The following C3orf70 variants were observed in gnomAD, a reference collection of about 807,000 sequenced individuals.
C3orf70 encodes the protein UPF0524 protein C3orf70.
C3orf70 carries 15 observed loss-of-function variants against 20.7 expected under a neutral mutation model. That is an observed-to-expected ratio of 0.72 (90% CI 0.48 to 1.11). The LOEUF (loss-of-function observed/expected upper bound fraction) is 1.11, where lower values mean the gene tolerates loss of function less well. C3orf70 is among the 50% of genes most tolerant of loss of function. The probability of loss-of-function intolerance (pLI) is 0.00; values close to 1 mark genes in which losing one functional copy is unlikely to be tolerated. For missense variants in C3orf70, 332 were observed against 317.6 expected (o/e 1.05, Z -0.34); for synonymous variants, 161 against 125.7 (o/e 1.28, Z -1.88).
intron 1 of C3orf70, among the ~76,000 whole-genome samples, chr3:185,110,241 C>T (rs539830916): frequency 2.6e-5 from 4 of 152,320 alleles, no homozygotes; most frequent in African/African-American, 9.6e-5. Flanking sequence ...ACAAACTTGT[C>T]TTTGGCTATT....
chr3:185,124,221 G>T (rs36084212), intron 1 of C3orf70, among the ~76,000 whole-genome samples: 1 of 151,990 alleles, frequency 6.6e-6, no homozygotes, highest in East Asian at 1.9e-4. Context: ...TGGTATCCAC[G>T]GGGGGATCCT....
In C3orf70 at chr3:185,083,043, G is replaced by T. The variant is rs756981203; in HGVS notation, c.717C>A (p.Asp239Glu). Residue 239 changes from aspartate (D) to glutamate (E), a missense_variant, in exon 2 of 2, where the codon GAC becomes GAA. By Grantham distance (45) the Asp-to-Glu change is conservative. Transcript: ENST00000335012. ...TTTCTATCGTTTCAATCACTTCCAG[G>T]TCAGACTGCGAGGGGGAGAGAAGGG... ...ECTLLSPSQS[D>E]LEVIETIETT... 5 of 1,613,964 alleles carry T rather than the reference G, an allele frequency of 3.1e-6. No homozygotes were observed. In the East Asian group the frequency reaches 8.9e-5, roughly 29 times the overall value.
intron 1 of C3orf70, among the ~76,000 whole-genome samples, chr3:185,093,002 AAAAAG>A (rs1052218778): frequency 1.5e-4 from 23 of 152,256 alleles, no homozygotes; most frequent in South Asian, 4.1e-4. Flanking sequence ...AAAAAAAAAA[AAAAAG>A]AAAGGGACAA....
chr3:185,096,130 G>T (rs1219576963), intron 1 of C3orf70, among the ~76,000 whole-genome samples: 1 of 139,592 alleles, frequency 7.2e-6, no homozygotes, highest in Non-Finnish European at 1.6e-5. Flanking sequence ...TGTAATCAAA[G>T]AAAATATACT....
Position 185,076,995 on chromosome 3 carries a change from ATC to A in C3orf70, c.*6010_*6011del, listed in dbSNP as rs1715206082. On this transcript the variant is annotated 3_prime_UTR_variant, in exon 2 of 2. Transcript: ENST00000335012. ...CAGATGAGATGCGCTGTCTGCAGGA[ATC>A]ACTTTAAAAGATCAGTTAGCTTTAG... 6.6e-6 allele frequency among the ~76,000 whole-genome samples: 1 copy of A among 152,258 alleles called. No individual in the cohort carries two copies.
Position 185,108,257 on chromosome 3 carries a change from G to C in C3orf70, c.197-24694C>G, listed in dbSNP as rs141987731. ...TACAGATAGGTCTAGCAATGGTAAA[G>C]CTTCTTATTCTGGCTCAAAAAGTAA... is the stretch of plus-strand genomic sequence containing the variant. On this transcript the variant is annotated intron_variant, in intron 1 of 1. Transcript: ENST00000335012. Among the ~76,000 whole-genome samples, 312 of 152,294 alleles carry C rather than the reference G, an allele frequency of 2.0e-3. 1 individual carries two copies. Among genetic ancestry groups the C allele is most frequent in the African/African-American group, 7.2e-3 (301 of 41,572 alleles).
intron 1 of C3orf70, among the ~76,000 whole-genome samples, chr3:185,112,185 G>A (rs1716087659): frequency 1.3e-5 from 2 of 152,184 alleles, no homozygotes; most frequent in African/African-American, 4.8e-5. Flanking sequence ...AGCTACTTGG[G>A]AAGCTGAGGC....
In C3orf70 at chr3:185,079,306, T is replaced by TAAAAAAAAAAAAAAA. The variant is rs1321535800; in HGVS notation, c.*3700_*3701insTTTTTTTTTTTTTTT. 15 of 122,850 alleles carry TAAAAAAAAAAAAAAA rather than the reference T, an allele frequency of 1.2e-4. No homozygotes were observed. The highest frequency in any genetic ancestry group is 2.6e-4 in the South Asian group (1 of 3,832). 7.6% of individuals were successfully genotyped at this position (122,850 alleles called of 1,614,324 possible). A position where few individuals can be genotyped will look rare whatever the true frequency, so the allele number is the denominator to read the frequency against. Reference sequence around the variant, plus strand: ...AAAAAAAAAAAAAAAAAAAAAAAAGTAAAGCCACCACTCCCAAGATAGAAT... The same window carrying TAAAAAAAAAAAAAAA: ...AAAAAAAAAAAAAAAAAAAAAAAAGTAAAAAAAAAAAAAAAAAAGCCACCACTCCCAAGATAGAAT... On this transcript the variant is annotated 3_prime_UTR_variant, in exon 2 of 2. Transcript: ENST00000335012.
intron 1 of C3orf70, among the ~76,000 whole-genome samples, chr3:185,091,930 TATATATATATATATATATATATATATATA>T (rs1317735362): frequency 0.015 from 77 of 5,178 alleles, 3 homozygotes; most frequent in African/African-American, 0.044. Context: ...TATATATATA[TATATATATATATATATATATATATATATA>T]TATATTTTTT....
chr3:185,137,581 A>G (rs1716653511), intron 1 of C3orf70, among the ~76,000 whole-genome samples: 1 of 152,226 alleles, frequency 6.6e-6, no homozygotes. Flanking sequence ...AAAATCATAC[A>G]AAGTAGAATC....
In C3orf70 at chr3:185,080,384, G is replaced by A. The variant is rs879387058; in HGVS notation, c.*2623C>T. ...GAAGTCTTAGATGGTACTGAGAGAC[G>A]GCCCAAGCCTGCCACTGAGCCAGCT... On this transcript the variant is annotated 3_prime_UTR_variant, in exon 2 of 2. Coordinates refer to ENST00000335012, the MANE Select transcript of C3orf70 (RefSeq NM_001025266.3). 1 of 152,588 alleles carries A rather than the reference G, an allele frequency of 6.6e-6. No individual in the cohort carries two copies. Among genetic ancestry groups the A allele is most frequent in the Non-Finnish European group, 1.5e-5 (1 of 68,040 alleles). 9.5% of individuals were successfully genotyped at this position (152,588 alleles called of 1,614,324 possible). A position where few individuals can be genotyped will look rare whatever the true frequency, so the allele number is the denominator to read the frequency against.
rs1715341521 is a variant in C3orf70 at position 185,081,684 on chromosome 3, G to C, written c.*1323C>G. On this transcript the variant is annotated 3_prime_UTR_variant, in exon 2 of 2. Transcript: ENST00000335012. The stretch of plus-strand genomic sequence containing the variant: ...TGGAGAGTAGAAGTAGAATTCTGAA[G>C]AGAGCTAAATAAGAAAGAATTAGTC... 1 of 152,642 alleles carries C rather than the reference G, an allele frequency of 6.6e-6. No individual in the cohort carries two copies. The allele number at this position is 152,642 out of a possible 1,614,324, so 9.5% of individuals were successfully genotyped here.
intron 1 of C3orf70, among the ~76,000 whole-genome samples, chr3:185,094,074 G>GTTTTTTT (rs71162282): frequency 7.7e-4 from 62 of 80,644 alleles, no homozygotes; most frequent in Middle Eastern, 0.011. Flanking sequence ...ATACCCTGGG[G>GTTTTTTT]TTTTTTTTTT....
chr3:185,149,042 A>T (rs1412242204), intron 1 of C3orf70, among the ~76,000 whole-genome samples: 1 of 152,250 alleles, frequency 6.6e-6, no homozygotes, highest in Non-Finnish European at 1.5e-5. Context: ...GATTTGGCAA[A>T]CAAACTGATA....
chr3:185,135,494 G>A (rs538988292), intron 1 of C3orf70, among the ~76,000 whole-genome samples: 27 of 152,298 alleles, frequency 1.8e-4, no homozygotes, highest in Non-Finnish European at 2.9e-4. Flanking sequence ...CAGAGACTGG[G>A]AAAGATGTGG....
chr3:185,106,176 T>A (rs891613369), intron 1 of C3orf70, among the ~76,000 whole-genome samples: 9 of 151,618 alleles, frequency 5.9e-5, no homozygotes, highest in African/African-American at 2.0e-4. Context: ...GCAAGCTAGA[T>A]GAGAGAGTGA....
chr3:185,082,912 G>A lies in C3orf70; in HGVS notation c.*95C>T. The A allele has an allele frequency of 1.5e-6, 2 of 1,304,440 alleles. No homozygotes were observed. The highest frequency in any genetic ancestry group is 2.1e-6 in the Non-Finnish European group (2 of 935,440). 80.8% of individuals were successfully genotyped at this position (1,304,440 alleles called of 1,614,324 possible). Reference sequence around the variant, plus strand: ...TGTTGGTTGGAGCGGGGCGGGGTGGGTAGAAAATATCAACAGCATTGGAAA... The same window carrying A: ...TGTTGGTTGGAGCGGGGCGGGGTGGATAGAAAATATCAACAGCATTGGAAA... On this transcript the variant is annotated 3_prime_UTR_variant, in exon 2 of 2. Coordinates refer to ENST00000335012, the MANE Select transcript of C3orf70 (RefSeq NM_001025266.3).
At chr3:185,146,422 G>C (rs1257192492) in intron 1 of C3orf70, among the ~76,000 whole-genome samples, 2 of 151,628 alleles carry the variant, frequency 1.3e-5, no homozygotes, top group Admixed American at 6.6e-5. Context: ...CGAGGAGCTG[G>C]GATTACAGGA....
intron 1 of C3orf70, among the ~76,000 whole-genome samples, chr3:185,090,298 T>C (rs1431848435): frequency 1.3e-5 from 2 of 152,188 alleles, no homozygotes; most frequent in African/African-American, 2.4e-5. Flanking sequence ...CAAACAAATA[T>C]AGAAAATAAA....
Sources: allele counts gnomAD v4.1 joint callset (sites outside exome capture counted in the v4.1 genomes callset), GRCh38; gene constraint gnomAD v4.1.1; transcripts MANE v1.5; gene names NCBI Gene and HGNC (gene_info 2026-07-23, HGNC 2026-07-21).